Variants in KIF13A observed in about 807,000 individuals in gnomAD.
The protein encoded by KIF13A is kinesin family member 13A, also known as kinesin-like protein KIF13A.
In KIF13A, 79 loss-of-function variants were observed where a neutral mutation model predicts 212.2. The observed-to-expected ratio is 0.37, with a 90% CI of 0.31 to 0.45. KIF13A has a LOEUF of 0.45. KIF13A is among the 20% of genes least tolerant of loss of function. The pLI is 1.00. For missense variants in KIF13A, 1,901 were observed against 2,209.0 expected, an observed-to-expected ratio of 0.86 and a Z score of 2.79; for synonymous variants, 789 against 808.6, an observed-to-expected ratio of 0.98 and a Z score of 0.41.
intron 9 of KIF13A, among the ~76,000 whole-genome samples, chr6:17,846,939 ACTTGGTGAC>A (rs1767124630): frequency 6.6e-6 from 1 of 152,196 alleles, no homozygotes; most frequent in Non-Finnish European, 1.5e-5. Context: ...CACACTTAGA[ACTTGGTGAC>A]CTGGGAGACA....
At chr6:17,861,583 CT>C (rs1768792239) in intron 4 of KIF13A, among the ~76,000 whole-genome samples, 1 of 152,208 alleles carries the variant, frequency 6.6e-6, no homozygotes, top group Non-Finnish European at 1.5e-5. Flanking sequence ...ACTTACAACA[CT>C]CTCAACAACA....
rs779609680 is a variant in KIF13A at position 17,961,467 on chromosome 6, T to G, written c.146+25587A>C. The stretch of plus-strand genomic sequence containing the variant: ...CCCTTTATATTCTCCCCGAATTAGG[T>G]TGGACCATGTAGAGTCAAATTGAAC... On this transcript the variant is annotated intron_variant, in intron 2 of 38. Transcript: ENST00000259711. This position sits in a 1 kb window ranked among gnomAD's most constrained non-coding sequence, Gnocchi z 4.1. Among the ~76,000 whole-genome samples, 1 of 152,200 alleles carries G rather than the reference T, an allele frequency of 6.6e-6. No homozygotes were observed. The highest frequency in any genetic ancestry group is 1.5e-5 in the Non-Finnish European group (1 of 68,038).
intron 16 of KIF13A, among the ~76,000 whole-genome samples, chr6:17,824,773 A>AAC (rs1581430672): frequency 2.7e-5 from 4 of 147,916 alleles, no homozygotes; most frequent in Non-Finnish European, 5.9e-5. Context: ...AAAAAAAAAA[A>AAC]AAAAAAACAA....
intron 4 of KIF13A, among the ~76,000 whole-genome samples, chr6:17,870,781 G>A (rs940517619): frequency 1.3e-5 from 2 of 151,366 alleles, no homozygotes; most frequent in East Asian, 1.9e-4. Flanking sequence ...GTTCCCCCCC[G>A]CCAAGATATA....
At position 17,852,051 on chromosome 6, in the gene KIF13A, G is replaced by A. The variant is rs750200591; in HGVS notation, c.495-9C>T. On this transcript the variant is annotated splice_polypyrimidine_tract_variant and intron_variant, in intron 6 of 38. Coordinates refer to ENST00000259711, the MANE Select transcript of KIF13A (RefSeq NM_022113.6). ...TAAGAGACTGTCTACTCCTGCGGGA[G>A]GGAGGAAAAAGGAATAAATGAATCA... 1.4e-6 allele frequency: 2 copies of A among 1,434,214 alleles called. No individual in the cohort carries two copies. The highest frequency in any genetic ancestry group is 3.1e-5 in the South Asian group (2 of 64,714). The allele number at this position is 1,434,214 out of a possible 1,614,324, so 88.8% of individuals were successfully genotyped here. A position where few individuals can be genotyped will look rare whatever the true frequency, so the allele number is the denominator to read the frequency against.
At chr6:17,925,541 CCAT>C (rs1775425380) in intron 2 of KIF13A, among the ~76,000 whole-genome samples, 1 of 152,160 alleles carries the variant, frequency 6.6e-6, no homozygotes, top group South Asian at 2.1e-4. Context: ...CATGGTTTCT[CCAT>C]CATCACTTTG....
chr6:17,870,927 T>C (rs768987528), intron 4 of KIF13A, among the ~76,000 whole-genome samples: 1 of 152,174 alleles, frequency 6.6e-6, no homozygotes, highest in South Asian at 2.1e-4. Flanking sequence ...AGCAACCACA[T>C]AGCATAGGTA....
intron 20 of KIF13A, among the ~76,000 whole-genome samples, chr6:17,804,150 T>TCAAA (rs60485477): frequency 0.84 from 126,408 of 150,662 alleles, 53,213 homozygotes; most frequent in East Asian, 0.99. Context: ...AGACTCCGTC[T>TCAAA]CAAACAAACA....
Position 17,828,214 on chromosome 6 carries a change from G to A in KIF13A, c.1532+26C>T, listed in dbSNP as rs770742188. 5 of 1,604,684 alleles carry A rather than the reference G, an allele frequency of 3.1e-6. No individual in the cohort carries two copies. In the East Asian group the frequency reaches 6.7e-5, roughly 22 times the overall value. ...TCTGAAAATAAGGCACACAAGACAC[G>A]TGAAGTCACCATTTACTTTTCTTAC... On this transcript the variant is annotated intron_variant, in intron 14 of 38. Coordinates refer to ENST00000259711, the MANE Select transcript of KIF13A (RefSeq NM_022113.6). This position sits in a 1 kb window ranked among gnomAD's most constrained non-coding sequence, Gnocchi z 4.3.
Position 17,777,629 on chromosome 6 carries a change from C to A in KIF13A, c.4093-275G>T, listed in dbSNP as rs546072314. 6.6e-6 allele frequency among the ~76,000 whole-genome samples: 1 copy of A among 152,216 alleles called. No homozygotes were observed. Among genetic ancestry groups the A allele is most frequent in the South Asian group, 2.1e-4 (1 of 4,824 alleles). ...GAACTCCTGAGCTCAGGCAATCTGCCCACGTCGGCCTCCCAAAGTGTTAGG... is the reference window on the plus strand; with the variant it reads ...GAACTCCTGAGCTCAGGCAATCTGCACACGTCGGCCTCCCAAAGTGTTAGG... On this transcript the variant is annotated intron_variant, in intron 33 of 38. Coordinates refer to ENST00000259711, the MANE Select transcript of KIF13A (RefSeq NM_022113.6). The surrounding 1 kb of genome is among the most constrained non-coding windows in gnomAD (Gnocchi z 4.4).
At chr6:17,821,552 G>GTGTGTGTGTGTGT (rs1554172080) in intron 16 of KIF13A, among the ~76,000 whole-genome samples, 16 of 112,012 alleles carry the variant, frequency 1.4e-4, no homozygotes, top group African/African-American at 4.6e-4. Context: ...ATTGGGACAT[G>GTGTGTGTGTGTGT]GTGTGTGTGT....
chr6:17,929,468 T>C (rs1035633339), intron 2 of KIF13A, among the ~76,000 whole-genome samples: 3 of 151,992 alleles, frequency 2.0e-5, no homozygotes, highest in African/African-American at 7.3e-5. Context: ...TGGCACGATC[T>C]TGGCTCACTG....
chr6:17,930,886 C>A (rs944906614), intron 2 of KIF13A, among the ~76,000 whole-genome samples: 1 of 152,164 alleles, frequency 6.6e-6, no homozygotes. Flanking sequence ...AAGGAACTTG[C>A]CTAGAATTTG....
At position 17,794,172 on chromosome 6, in the gene KIF13A, AT is replaced by A; in HGVS notation, c.3222+76del. On this transcript the variant is annotated intron_variant, in intron 25 of 38. Transcript: ENST00000259711. The surrounding 1 kb of genome is among the most constrained non-coding windows in gnomAD (Gnocchi z 4.1). ...TACGGTTAAGGCAAAGAGTTCTGTTATATTGGCAAAGAGGTCCCCCTGGGAC... is the reference window on the plus strand; with the variant it reads ...TACGGTTAAGGCAAAGAGTTCTGTTAATTGGCAAAGAGGTCCCCCTGGGAC... 8.7e-7 allele frequency: 1 copy of A among 1,145,874 alleles called. No individual in the cohort carries two copies. Among genetic ancestry groups the A allele is most frequent in the Non-Finnish European group, 1.3e-6 (1 of 793,688 alleles). The allele number at this position is 1,145,874 out of a possible 1,614,324, so 71.0% of individuals were successfully genotyped here. A position where few individuals can be genotyped will look rare whatever the true frequency, so the allele number is the denominator to read the frequency against.
intron 17 of KIF13A, chr6:17,812,209 G>A (rs1002870161): frequency 3.3e-5 from 5 of 152,032 alleles, no homozygotes; most frequent in African/African-American, 1.2e-4. Flanking sequence ...TTTAGGTTCA[G>A]GGGTACATGC....
chr6:17,804,290 A>G (rs1762741848), intron 20 of KIF13A, 71 bp downstream of exon 20: 14 of 1,364,374 alleles, frequency 1.0e-5, no homozygotes, highest in Non-Finnish European at 1.2e-5. Context: ...GCTTAAATAG[A>G]ATGAAAAACA....
intron 4 of KIF13A, among the ~76,000 whole-genome samples, chr6:17,862,759 T>C (rs9477543): frequency 0.036 from 5,421 of 152,172 alleles, 334 homozygotes; most frequent in African/African-American, 0.12. Flanking sequence ...CCAACCTGGC[T>C]AACATGGTGA....
At chr6:17,765,845 G>A (rs1477187467) in intron 38 of KIF13A, among the ~76,000 whole-genome samples, 1 of 152,188 alleles carries the variant, frequency 6.6e-6, no homozygotes, top group Non-Finnish European at 1.5e-5. Flanking sequence ...AGCACCTAAT[G>A]AAATCGCAAA....
chr6:17,779,241 A>G (rs1760268439), intron 32 of KIF13A, 142 bp from the exon 33 acceptor site: 1 of 138,156 alleles, frequency 7.2e-6, no homozygotes, highest in South Asian at 9.0e-5. Flanking sequence ...AGTAGCATAT[A>G]TATATATATA....
Sources: gnomAD v4.1 joint callset for allele counts (sites outside exome capture counted in the v4.1 genomes callset) on GRCh38, gnomAD v4.1.1 for gene constraint, Gnocchi (gnomAD v3.1) non-coding constraint, MANE v1.5 for transcripts, NCBI Gene and HGNC (gene_info 2026-07-23, HGNC 2026-07-21) for gene names.